ABR: variants seen among roughly 807,000 people sequenced by gnomAD.
The protein encoded by ABR is ABR activator of RhoGEF and GTPase, also known as active breakpoint cluster region-related protein.
Under a neutral mutation model 107.2 loss-of-function variants are expected in ABR, and 35 were observed. The observed-to-expected ratio is 0.33, with a 90% CI of 0.25 to 0.43. The LOEUF is 0.43. Among genes scored for constraint, ABR ranks in the 20% least tolerant of loss-of-function variants. The probability of loss-of-function intolerance (pLI) is 1.00; values close to 1 mark genes in which losing one functional copy is unlikely to be tolerated. For missense variants in ABR, 815 were observed against 1,115.2 expected (o/e 0.73, Z 3.83); for synonymous variants, 498 against 462.0 (o/e 1.08, Z -1.00).
intron 4 of ABR, among the ~76,000 whole-genome samples, chr17:1,087,786 C>T (rs1162827089): frequency 6.6e-6 from 1 of 152,276 alleles, no homozygotes; most frequent in East Asian, 1.9e-4. Context: ...CCCGGGTTGG[C>T]ACACCACCCT....
Position 1,013,502 on chromosome 17 carries a change from G to A in ABR, c.1792-338C>T, listed in dbSNP as rs553354807. On this transcript the variant is annotated intron_variant, in intron 16 of 22. Coordinates refer to ENST00000302538, the MANE Select transcript of ABR (RefSeq NM_021962.5). ...GTTAGGCACTCCTGGCTGCCAGCCC[G>A]GGACATGGGTATTATTACCCCATTT... Among the ~76,000 whole-genome samples, 44 of 152,252 alleles carry A rather than the reference G, an allele frequency of 2.9e-4. No individual in the cohort carries two copies. In the South Asian group the frequency reaches 6.6e-3, roughly 23 times the overall value.
chr17:1,057,621 C>T (rs925294017), intron 12 of ABR, among the ~76,000 whole-genome samples: 11 of 147,938 alleles, frequency 7.4e-5, no homozygotes, highest in Admixed American at 2.7e-4. Context: ...GGATTACAGG[C>T]GTAAGCCACC....
upstream of ABR, among the ~76,000 whole-genome samples, chr17:1,180,701 G>T (rs1160732913): frequency 6.6e-6 from 1 of 152,224 alleles, no homozygotes; most frequent in Non-Finnish European, 1.5e-5. Context: ...TCATCACCTA[G>T]AAATGGTGGG....
Position 1,124,406 on chromosome 17 carries a change from C to G in ABR, c.246+777G>C, listed in dbSNP as rs80032820. ...ACCGCCTCCTGCAACACACACCCCC[C>G]ACAGAGGACCGGCTTGGATTCTTCT... On this transcript the variant is annotated intron_variant, in intron 2 of 22. Coordinates refer to ENST00000302538, the MANE Select transcript of ABR (RefSeq NM_021962.5). Among the ~76,000 whole-genome samples, 182 of 152,298 alleles carry G rather than the reference C, an allele frequency of 1.2e-3. 3 individuals are homozygous for G. The East Asian group carries it at 0.026, about 22-fold the overall frequency.
intron 1 of ABR, among the ~76,000 whole-genome samples, chr17:1,212,483 A>G (rs1427072359): frequency 6.6e-6 from 1 of 152,076 alleles, no homozygotes; most frequent in Non-Finnish European, 1.5e-5. Context: ...CGCCAGGCAC[A>G]GTGGTTCACA....
intron 1 of ABR, among the ~76,000 whole-genome samples, chr17:1,151,487 CCT>C (rs1347521286): frequency 6.6e-6 from 1 of 151,018 alleles, no homozygotes; most frequent in Non-Finnish European, 1.5e-5. Flanking sequence ...AACGCCCCCA[CCT>C]CTCTCATTCT....
chr17:1,153,387 A>ATCCAGGCACACCTACGGGAGGGCTGGGGG (rs2040882419), intron 1 of ABR, among the ~76,000 whole-genome samples: 1 of 103,716 alleles, frequency 9.6e-6, no homozygotes, highest in Non-Finnish European at 2.1e-5. Context: ...AGGGCTGGGG[A>ATCCAGGCACACCTACGGGAGGGCTGGGGG]TCCAGGCACA....
rs879370375 is a variant in ABR, at chr17:1,070,726, T to G, written c.895-636A>C. Among the ~76,000 whole-genome samples, 28 of 152,160 alleles carry G rather than the reference T, an allele frequency of 1.8e-4. No individual in the cohort carries two copies. The highest frequency in any genetic ancestry group is 1.2e-3 in the Admixed American group (18 of 15,280). ...TCTAACCTGGGCTCTGGGTGGTTTC[T>G]GCTCCACGTGGGAGTTCCAGAGTTT... On this transcript the variant is annotated intron_variant, in intron 8 of 22. Coordinates refer to ENST00000302538, the MANE Select transcript of ABR (RefSeq NM_021962.5). This position sits in a 1 kb window ranked among gnomAD's most constrained non-coding sequence, Gnocchi z 4.2.
intron 16 of ABR, among the ~76,000 whole-genome samples, chr17:1,030,585 T>G (rs1313549208): frequency 1.3e-5 from 2 of 152,186 alleles, no homozygotes; most frequent in Admixed American, 6.5e-5. Flanking sequence ...AGGGCTGATG[T>G]CACCTCTGGG....
At chr17:1,152,821 C>A (rs754219352) in intron 1 of ABR, among the ~76,000 whole-genome samples, 2 of 150,506 alleles carry the variant, frequency 1.3e-5, no homozygotes, top group Admixed American at 6.6e-5. Context: ...AGGCCGGGCG[C>A]GGTGGGTCAT....
intron 6 of ABR, among the ~76,000 whole-genome samples, chr17:1,076,004 T>C (rs1032309727): frequency 6.6e-6 from 1 of 152,188 alleles, no homozygotes; most frequent in African/African-American, 2.4e-5. Flanking sequence ...ATTGCGCCAT[T>C]GCACTCCAGC....
chr17:1,224,707 CTCTG>C (rs1305942450), intron 1 of ABR, among the ~76,000 whole-genome samples: 12 of 152,304 alleles, frequency 7.9e-5, no homozygotes, highest in African/African-American at 2.9e-4. Context: ...CAGGGACTCG[CTCTG>C]TCACCCAGGC....
At chr17:1,206,109 C>T (rs1000741274) in intron 1 of ABR, among the ~76,000 whole-genome samples, 4 of 152,080 alleles carry the variant, frequency 2.6e-5, no homozygotes, top group Non-Finnish European at 4.4e-5. Flanking sequence ...AAGGAGACTC[C>T]GTCTCAAAAA....
chr17:1,070,174 A>G lies in ABR; in HGVS notation c.895-84T>C. The G allele has an allele frequency of 6.4e-7, 1 of 1,568,178 alleles. No individual in the cohort carries two copies. Among genetic ancestry groups the G allele is most frequent in the East Asian group, 2.3e-5 (1 of 44,220 alleles). ...CCTGCACACGGGGGCACGGCCAGCC[A>G]GGGAGGACTGGACCGAGAGGCGGCA... On this transcript the variant is annotated intron_variant, in intron 8 of 22. Coordinates refer to ENST00000302538, the MANE Select transcript of ABR (RefSeq NM_021962.5). This position sits in a 1 kb window ranked among gnomAD's most constrained non-coding sequence, Gnocchi z 4.2.
chr17:1,034,721 C>T (rs947393733), intron 16 of ABR, among the ~76,000 whole-genome samples: 1 of 152,142 alleles, frequency 6.6e-6, no homozygotes, highest in African/African-American at 2.4e-5. Context: ...AACTGCTCTC[C>T]ACGTTTGCGC....
In ABR at chr17:1,041,483, C is replaced by T. The variant is rs188217092; in HGVS notation, c.1791+8567G>A. Among the ~76,000 whole-genome samples, 484 of 152,036 alleles carry T rather than the reference C, an allele frequency of 3.2e-3. 2 individuals carry two copies. The highest frequency in any genetic ancestry group is 0.011 in the African/African-American group (453 of 41,492). On this transcript the variant is annotated intron_variant, in intron 16 of 22. Transcript: ENST00000302538. Reference sequence around the variant, plus strand: ...GGTGCGGTGGCTCACGCCTGTCATCCCAGCACTTTGGGAGGCTGAGGCGGG... The same window carrying T: ...GGTGCGGTGGCTCACGCCTGTCATCTCAGCACTTTGGGAGGCTGAGGCGGG...
At chr17:1,189,153 C>T (rs1451452738), upstream of ABR, among the ~76,000 whole-genome samples, 2 of 152,148 alleles carry the variant, frequency 1.3e-5, no homozygotes, top group Non-Finnish European at 2.9e-5. Context: ...GGTGAGACTC[C>T]GGCCACAGTG....
At chr17:1,058,083 G>T in intron 11 of ABR, 38 bp from the exon 12 acceptor site, 2 of 1,504,964 alleles carry the variant, frequency 1.3e-6, no homozygotes, top group Non-Finnish European at 1.8e-6. Flanking sequence ...GGTGACCACA[G>T]TCAGGCAAAG....
At chr17:1,016,383 C>T (rs1440122760) in intron 16 of ABR, among the ~76,000 whole-genome samples, 1 of 148,220 alleles carries the variant, frequency 6.7e-6, no homozygotes, top group Non-Finnish European at 1.5e-5. Flanking sequence ...GTGGTGCAGT[C>T]TCGGCTCACT....
Sources: allele counts gnomAD v4.1 joint callset (sites outside exome capture counted in the v4.1 genomes callset), GRCh38; gene constraint gnomAD v4.1.1; non-coding constraint Gnocchi (gnomAD v3.1); transcripts MANE v1.5; gene names NCBI Gene and HGNC (gene_info 2026-07-23, HGNC 2026-07-21).